ARHGAP22: variants seen among roughly 807,000 people sequenced by gnomAD.
ARHGAP22 encodes rho GTPase-activating protein 22.
Under a neutral mutation model 59.1 loss-of-function variants are expected in ARHGAP22, and 48 were observed. The observed-to-expected ratio is 0.81, with a 90% CI of 0.64 to 1.03. The LOEUF (loss-of-function observed/expected upper bound fraction) is 1.03. Among genes scored for constraint, ARHGAP22 ranks in the 50% least tolerant of loss-of-function variants. The pLI is 0.00. For missense variants in ARHGAP22, 1,015 were observed against 958.7 expected (o/e 1.06, Z -0.78); for synonymous variants, 445 against 416.4 (o/e 1.07, Z -0.84).
intron 3 of ARHGAP22, among the ~76,000 whole-genome samples, chr10:48,496,204 CAT>C (rs1213583393): frequency 6.6e-6 from 1 of 152,170 alleles, no homozygotes; most frequent in Non-Finnish European, 1.5e-5. Context: ...TTTGTCAAAA[CAT>C]AGCCTGAAGC....
chr10:48,448,305 G>A (rs866429780), intron 9 of ARHGAP22, among the ~76,000 whole-genome samples: 2 of 152,090 alleles, frequency 1.3e-5, no homozygotes, highest in Admixed American at 6.5e-5. Context: ...GCTCCTCTCC[G>A]CTCCCCTCCA....
intron 1 of ARHGAP22, among the ~76,000 whole-genome samples, chr10:48,628,310 A>T (rs2061517434): frequency 6.6e-6 from 1 of 152,232 alleles, no homozygotes; most frequent in Non-Finnish European, 1.5e-5. Flanking sequence ...GGCACCTACC[A>T]CACACCAGGC....
At chr10:48,437,634 C>T in the ARHGAP22 span, 1 of 152,136 alleles carries the variant, frequency 6.6e-6, no homozygotes, top group African/African-American at 2.4e-5. Flanking sequence ...CTTAGTTATA[C>T]TATACGCAGA....
intron 8 of ARHGAP22, among the ~76,000 whole-genome samples, chr10:48,452,013 A>T (rs2046016080): frequency 1.3e-5 from 2 of 150,084 alleles, no homozygotes; most frequent in Non-Finnish European, 3.0e-5. Flanking sequence ...AAATTCCCCC[A>T]TACACAACTG....
intron 3 of ARHGAP22, among the ~76,000 whole-genome samples, chr10:48,533,209 A>G (rs942625361): frequency 5.6e-5 from 8 of 143,196 alleles, no homozygotes; most frequent in Non-Finnish European, 1.2e-4. Flanking sequence ...AACTAAGTAT[A>G]TGATTCTGGG....
At chr10:48,486,916 T>C in intron 3 of ARHGAP22, among the ~76,000 whole-genome samples, 1 of 152,268 alleles carries the variant, frequency 6.6e-6, no homozygotes, top group East Asian at 1.9e-4. Flanking sequence ...GATGTTGCTC[T>C]ACTTGCATTG....
the ARHGAP22 span, among the ~76,000 whole-genome samples, chr10:48,439,915 G>A: frequency 6.6e-6 from 1 of 152,192 alleles, no homozygotes; most frequent in South Asian, 2.1e-4. Context: ...TCTGAGGAGC[G>A]GAGAGGAAGG....
At chr10:48,595,195 C>T (rs912125204) in intron 1 of ARHGAP22, among the ~76,000 whole-genome samples, 2 of 152,158 alleles carry the variant, frequency 1.3e-5, no homozygotes, top group East Asian at 3.9e-4. Context: ...AGCTAAAACA[C>T]AATTGATTTA....
At chr10:48,538,133 G>C (rs147839518) in intron 3 of ARHGAP22, among the ~76,000 whole-genome samples, 246 of 152,238 alleles carry the variant, frequency 1.6e-3, no homozygotes, top group African/African-American at 5.8e-3. Context: ...AGCTCTAAAG[G>C]CTTGAGGGAG....
chr10:48,575,425 T>G (rs1409881599), intron 2 of ARHGAP22: 2 of 152,210 alleles, frequency 1.3e-5, no homozygotes, highest in African/African-American at 2.4e-5. Flanking sequence ...AATATTCCTG[T>G]GACTTTCAAG....
At chr10:48,552,839 A>T (rs1354316858) in intron 3 of ARHGAP22, among the ~76,000 whole-genome samples, 1 of 152,214 alleles carries the variant, frequency 6.6e-6, no homozygotes, top group Non-Finnish European at 1.5e-5. Flanking sequence ...TAGCCCCAAC[A>T]TGGCCTATAG....
chr10:48,643,764 A>AAT lies in ARHGAP22; in HGVS notation c.52+8468_52+8469dup, dbSNP rs34206353. Among the ~76,000 whole-genome samples, 1,370 of 144,222 alleles carry AAT rather than the reference A, an allele frequency of 9.5e-3. 26 individuals carry two copies. Among genetic ancestry groups the AAT allele is most frequent in the African/African-American group, 0.03 (1,152 of 38,622 alleles). The allele number at this position is 144,222 out of a possible 152,430, so 94.6% of individuals were successfully genotyped here. A position where few individuals can be genotyped will look rare whatever the true frequency, so the allele number is the denominator to read the frequency against. On this transcript the variant is annotated intron_variant, in intron 1 of 9. Transcript: ENST00000435790. ...CTTAAAGTATAATTAAAAAAAAAAAAATATATATATATATATATGCCACAC... is the reference window on the plus strand; with the variant it reads ...CTTAAAGTATAATTAAAAAAAAAAAAATATATATATATATATATATGCCACAC...
At chr10:48,521,205 A>G (rs897304792) in intron 3 of ARHGAP22, among the ~76,000 whole-genome samples, 4 of 152,110 alleles carry the variant, frequency 2.6e-5, no homozygotes, top group Non-Finnish European at 4.4e-5. Flanking sequence ...CTTGCATATG[A>G]TATTAAGTGG....
chr10:48,465,594 C>G (rs1230178970), intron 4 of ARHGAP22, among the ~76,000 whole-genome samples: 3 of 152,352 alleles, frequency 2.0e-5, no homozygotes, highest in African/African-American at 7.2e-5. Flanking sequence ...GAGTCCCACC[C>G]CGAAGGCCGC....
Position 48,636,570 on chromosome 10 carries a change from C to T in ARHGAP22, c.52+15664G>A, listed in dbSNP as rs182296697. Among the ~76,000 whole-genome samples, 212 of 152,326 alleles carry T rather than the reference C, an allele frequency of 1.4e-3. 1 individual carries two copies. The highest frequency in any genetic ancestry group is 5.0e-3 in the African/African-American group (208 of 41,574). On this transcript the variant is annotated intron_variant, in intron 1 of 9. Coordinates refer to the ARHGAP22 transcript ENST00000435790. ...CTTGCTGCTCCTTGTACCACCTGCA[C>T]CACAGCCCTGCCCTTTTGCAGACCA...
At chr10:48,532,857 T>A (rs1216142208) in intron 3 of ARHGAP22, 1 of 152,216 alleles carries the variant, frequency 6.6e-6, no homozygotes, top group African/African-American at 2.4e-5. Flanking sequence ...ATGGTGTATA[T>A]GTTCACGAGC....
At chr10:48,641,745 G>A (rs2062055722) in intron 1 of ARHGAP22, among the ~76,000 whole-genome samples, 1 of 152,106 alleles carries the variant, frequency 6.6e-6, no homozygotes, top group Non-Finnish European at 1.5e-5. Context: ...TTCTGGTCAG[G>A]GCAATCAGGC....
At chr10:48,595,148 G>T (rs1366671536) in intron 1 of ARHGAP22, among the ~76,000 whole-genome samples, 1 of 152,202 alleles carries the variant, frequency 6.6e-6, no homozygotes, top group Non-Finnish European at 1.5e-5. Context: ...TGTGAGTGCA[G>T]CCCCTAGAGC....
chr10:48,541,877 A>G (rs1027989638), intron 3 of ARHGAP22, among the ~76,000 whole-genome samples: 12 of 152,194 alleles, frequency 7.9e-5, no homozygotes, highest in Non-Finnish European at 1.6e-4. Context: ...GACATTACCT[A>G]TTGAGCTCCA....
Sources: gnomAD v4.1 joint callset for allele counts (sites outside exome capture counted in the v4.1 genomes callset) on GRCh38, gnomAD v4.1.1 for gene constraint, MANE v1.5 for transcripts, NCBI Gene and HGNC (gene_info 2026-07-23, HGNC 2026-07-21) for gene names.